Variants in IFT74 observed in about 807,000 individuals in gnomAD.
IFT74 encodes intraflagellar transport protein 74 homolog.
In IFT74, 92 loss-of-function variants were observed where a neutral mutation model predicts 96.7. The ratio of observed to expected loss-of-function variants is 0.95; its 90% CI spans 0.80 to 1.13. IFT74 has a LOEUF of 1.13. Ranked by LOEUF, IFT74 falls within the 50% of genes most tolerant of loss-of-function variation. IFT74 has a pLI of 0.00. For synonymous variants in IFT74, 223 were observed against 213.2 expected, an observed-to-expected ratio of 1.05 and a Z score of -0.40; for missense variants, 811 against 698.2, an observed-to-expected ratio of 1.16 and a Z score of -1.82.
intron 8 of IFT74, chr9:26,995,973 T>C (rs1828134338): frequency 1.3e-6 from 1 of 755,828 alleles, no homozygotes; most frequent in South Asian, 2.6e-5. Flanking sequence ...TGTAGTTTTC[T>C]TTAGATTTTG....
At chr9:27,007,580 C>G (rs1828857662) in intron 8 of IFT74, among the ~76,000 whole-genome samples, 1 of 152,118 alleles carries the variant, frequency 6.6e-6, no homozygotes, top group African/African-American at 2.4e-5. Context: ...ATTGAAATTC[C>G]AGGTTGCTTT....
chr9:27,025,737 A>G (rs901713877), intron 12 of IFT74, among the ~76,000 whole-genome samples: 1 of 152,196 alleles, frequency 6.6e-6, no homozygotes, highest in African/African-American at 2.4e-5. Context: ...CATTGAAACT[A>G]AGCTTCATAA....
At chr9:26,970,122 T>A (rs922663992) in intron 2 of IFT74, among the ~76,000 whole-genome samples, 5 of 152,178 alleles carry the variant, frequency 3.3e-5, no homozygotes, top group Admixed American at 6.5e-5. Context: ...AATTTTAAAA[T>A]TCTTTCCTTC....
chr9:27,009,971 ATTTTTTT>A (rs372186445), intron 9 of IFT74, among the ~76,000 whole-genome samples: 1 of 144,732 alleles, frequency 6.9e-6, no homozygotes, highest in East Asian at 2.0e-4. Context: ...TGCTGGAAAC[ATTTTTTT>A]TTTTTTAATT....
intron 2 of IFT74, among the ~76,000 whole-genome samples, chr9:26,972,728 G>A (rs746186316): frequency 3.9e-5 from 6 of 152,108 alleles, no homozygotes; most frequent in Non-Finnish European, 8.8e-5. Flanking sequence ...TTAGTTTGAG[G>A]CAGGGGTAAG....
At chr9:26,956,697 C>T (rs945726685) in intron 1 of IFT74, among the ~76,000 whole-genome samples, 181 bp downstream of exon 1, 3 of 152,086 alleles carry the variant, frequency 2.0e-5, no homozygotes, top group Non-Finnish European at 4.4e-5. Context: ...TGCGAACAGA[C>T]CTCCTCCAAC....
chr9:27,038,451 TG>T (rs1170799640), intron 13 of IFT74, among the ~76,000 whole-genome samples: 1 of 152,014 alleles, frequency 6.6e-6, no homozygotes, highest in Non-Finnish European at 1.5e-5. Context: ...TTAGTAGAGA[TG>T]GGTTTCACCA....
chr9:27,003,776 A>G (rs1828629916), intron 8 of IFT74, among the ~76,000 whole-genome samples: 1 of 152,184 alleles, frequency 6.6e-6, no homozygotes, highest in Admixed American at 6.6e-5. Context: ...GATGTAGATC[A>G]TAATAGAATC....
chr9:26,962,147 C>T (rs1826394638), intron 2 of IFT74, 60 bp downstream of exon 2: 4 of 1,559,282 alleles, frequency 2.6e-6, no homozygotes, highest in Admixed American at 1.7e-5. Flanking sequence ...CACTTGAGTC[C>T]AGGAGACTGG....
upstream of IFT74, among the ~76,000 whole-genome samples, chr9:26,953,015 A>AG (rs1206072726): frequency 1.3e-5 from 2 of 152,228 alleles, no homozygotes; most frequent in African/African-American, 4.8e-5. Context: ...CAGCTTTTAC[A>AG]GGGAAAAAAA....
chr9:27,018,115 A>G (rs1484690748), intron 11 of IFT74, among the ~76,000 whole-genome samples: 1 of 152,228 alleles, frequency 6.6e-6, no homozygotes, highest in Non-Finnish European at 1.5e-5. Flanking sequence ...ACCACATAAA[A>G]TATAGAATGG....
At chr9:27,040,544 C>CAAAAAAAAAAAAAAAAAAAAAAAAA (rs751893169) in intron 13 of IFT74, among the ~76,000 whole-genome samples, 3 of 62,092 alleles carry the variant, frequency 4.8e-5, no homozygotes, top group African/African-American at 1.7e-4. Context: ...GACACTGTCT[C>CAAAAAAAAAAAAAAAAAAAAAAAAA]AAAAAAAAAA....
rs1371236447 is a variant in IFT74, at chr9:27,065,556, C to CT, written c.*2825dup. On this transcript the variant is annotated 3_prime_UTR_variant, in exon 20 of 20. Transcript: ENST00000380062. ...TAAATAAACATGAGTTCTTGATATT[C>CT]TTTTTCCTGTGGAGCCCCTCGTTTG... is the stretch of plus-strand genomic sequence containing the variant. Among the ~76,000 whole-genome samples, 2 of 152,096 alleles carry CT rather than the reference C, an allele frequency of 1.3e-5. No homozygotes were observed. The highest frequency in any genetic ancestry group is 4.8e-5 in the African/African-American group (2 of 41,406).
intron 12 of IFT74, among the ~76,000 whole-genome samples, chr9:27,026,476 T>G (rs1829862379): frequency 6.6e-6 from 1 of 152,134 alleles, no homozygotes; most frequent in African/African-American, 2.4e-5. Flanking sequence ...ACAAATGGAC[T>G]CAACAGATAT....
chr9:26,952,541 T>G (rs1482911670), upstream of IFT74, among the ~76,000 whole-genome samples: 1 of 152,138 alleles, frequency 6.6e-6, no homozygotes, highest in African/African-American at 2.4e-5. Context: ...CCTCCCAAAG[T>G]GCTGGGATTA....
At chr9:27,001,306 T>C (rs552249573) in intron 8 of IFT74, among the ~76,000 whole-genome samples, 2 of 152,296 alleles carry the variant, frequency 1.3e-5, no homozygotes, top group South Asian at 4.1e-4. Context: ...ATCTCTTTTT[T>C]TTAAATGTAT....
chr9:26,958,050 G>A (rs76587871), intron 1 of IFT74, among the ~76,000 whole-genome samples: 7,217 of 152,228 alleles, frequency 0.047, 229 homozygotes, highest in South Asian at 0.13. Flanking sequence ...ACCGCTCCCG[G>A]TCGCTTTGTT....
At chr9:27,048,883 G>C (rs1034294176) in intron 16 of IFT74, among the ~76,000 whole-genome samples, 2 of 152,150 alleles carry the variant, frequency 1.3e-5, no homozygotes, top group African/African-American at 2.4e-5. Flanking sequence ...GATATGGTTT[G>C]GATTTTTTGT....
At chr9:26,955,731 C>G (rs1826060579), upstream of IFT74, 1 of 150,222 alleles carries the variant, frequency 6.7e-6, no homozygotes, top group Admixed American at 6.7e-5. Flanking sequence ...AATCCCAATA[C>G]ATATGCAATC....
Sources: allele counts gnomAD v4.1 joint callset (sites outside exome capture counted in the v4.1 genomes callset), GRCh38; gene constraint gnomAD v4.1.1; transcripts MANE v1.5; gene names NCBI Gene and HGNC (gene_info 2026-07-23, HGNC 2026-07-21).